The following GRM5 variants were observed in gnomAD, a reference collection of about 807,000 sequenced individuals.
GRM5 encodes metabotropic glutamate receptor 5.
Under a neutral mutation model 83.1 loss-of-function variants are expected in GRM5, and 19 were observed. The observed-to-expected ratio is 0.23, with a 90% confidence interval of 0.16 to 0.34. GRM5 has a LOEUF of 0.34. Among genes scored for constraint, GRM5 ranks in the 10% least tolerant of loss-of-function variants. The probability of loss-of-function intolerance (pLI) is 1.00; values close to 1 mark genes in which losing one functional copy is unlikely to be tolerated. For synonymous variants in GRM5, 675 were observed against 633.6 expected (o/e 1.07, Z -0.98); for missense variants, 1,160 against 1,588.3 (o/e 0.73, Z 4.58).
At chr11:88,520,740 C>G (rs1252011831) in intron 9 of GRM5, among the ~76,000 whole-genome samples, 2 of 152,038 alleles carry the variant, frequency 1.3e-5, no homozygotes, top group African/African-American at 2.4e-5. Flanking sequence ...AAAGGCAATC[C>G]TAACACAAGA....
At chr11:89,005,621 A>AT (rs1940502319) in intron 2 of GRM5, among the ~76,000 whole-genome samples, 1 of 152,156 alleles carries the variant, frequency 6.6e-6, no homozygotes, top group Non-Finnish European at 1.5e-5. Context: ...TAATATATCT[A>AT]TTTTTAGAGA....
At chr11:88,705,132 A>C (rs1314202986) in intron 3 of GRM5, among the ~76,000 whole-genome samples, 1 of 152,108 alleles carries the variant, frequency 6.6e-6, no homozygotes, top group Non-Finnish European at 1.5e-5. Flanking sequence ...ATCATAAAAG[A>C]AGCAGAATAT....
chr11:88,992,312 A>G (rs1041254771), intron 2 of GRM5, among the ~76,000 whole-genome samples: 5 of 151,974 alleles, frequency 3.3e-5, no homozygotes, highest in African/African-American at 9.7e-5. Flanking sequence ...GAAAACCACA[A>G]TGAGATACCA....
intron 9 of GRM5, among the ~76,000 whole-genome samples, chr11:88,521,261 C>CA (rs1157757094): frequency 1.3e-5 from 2 of 151,976 alleles, no homozygotes; most frequent in African/African-American, 4.8e-5. Context: ...ACTAAAAATA[C>CA]AAAAAATTAG....
intron 3 of GRM5, among the ~76,000 whole-genome samples, chr11:88,798,068 T>C (rs1014319291): frequency 1.3e-5 from 2 of 152,294 alleles, no homozygotes; most frequent in African/African-American, 4.8e-5. Flanking sequence ...GTCTGCTCTT[T>C]CTCCTTTCTC....
intron 3 of GRM5, among the ~76,000 whole-genome samples, chr11:88,714,164 A>G (rs1052735677): frequency 6.6e-6 from 1 of 152,050 alleles, no homozygotes; most frequent in African/African-American, 2.4e-5. Context: ...GGCATAGAGA[A>G]TAACTTTTGG....
intron 3 of GRM5, among the ~76,000 whole-genome samples, chr11:88,799,873 A>T (rs1038185251): frequency 6.6e-6 from 1 of 152,156 alleles, no homozygotes; most frequent in Non-Finnish European, 1.5e-5. Flanking sequence ...AGTAAAGCAC[A>T]TATCAATAAT....
Position 89,034,435 on chromosome 11 carries a change from T to C in GRM5, c.661+12777A>G, listed in dbSNP as rs553965958. ...CATATTCTATTCATCTCTTGCCATA[T>C]AGATAACTTTGTGAGTTTCTGCTTA... On this transcript the variant is annotated intron_variant, in intron 2 of 9. Coordinates refer to ENST00000305447, the MANE Select transcript of GRM5 (RefSeq NM_001143831.3). 1.8e-4 allele frequency among the ~76,000 whole-genome samples: 27 copies of C among 152,056 alleles called. No homozygotes were observed. The South Asian group carries it at 4.6e-3, about 26-fold the overall frequency.
chr11:89,047,708 C>T lies in GRM5; in HGVS notation c.165G>A (p.Arg55=), dbSNP rs2135151557. ...ACTGTTCACGGACCGCCCCACACTT[C>T]CTCTCATGAACTTTGTCCACAGTAG... The part of the protein sequence containing the change: ...HQPTVDKVHE[R]KCGAVREQYG... The change falls in exon 2 of 10, where the codon AGG becomes AGA. Residue 55 remains arginine, a synonymous_variant. Transcript: ENST00000305447. This position sits in a 1 kb window ranked among gnomAD's most constrained non-coding sequence, Gnocchi z 5.1. 6.2e-7 allele frequency: 1 copy of T among 1,614,138 alleles called. No homozygotes were observed. The highest frequency in any genetic ancestry group is 8.5e-7 in the Non-Finnish European group (1 of 1,180,012).
rs181449508 is a variant in GRM5 at position 88,774,244 on chromosome 11, C to G, written c.911+75662G>C. ...GAATGGGAGTTCACACATGATTTGG[C>G]TCTCTGTTTGTCTTCATGGTGTAGG... On this transcript the variant is annotated intron_variant, in intron 3 of 9. Coordinates refer to ENST00000305447, the MANE Select transcript of GRM5 (RefSeq NM_001143831.3). Among the ~76,000 whole-genome samples the G allele has an allele frequency of 2.9e-3, 404 of 139,904 alleles. 2 individuals are homozygous for G. The highest frequency in any genetic ancestry group is 2.2e-3 in the Non-Finnish European group (149 of 67,186). The allele number at this position is 139,904 out of a possible 152,430, so 91.8% of individuals were successfully genotyped here.
intron 3 of GRM5, among the ~76,000 whole-genome samples, chr11:88,696,127 AG>A (rs1343393194): frequency 6.6e-6 from 1 of 152,120 alleles, no homozygotes; most frequent in Non-Finnish European, 1.5e-5. Flanking sequence ...GGAGGCCAGA[AG>A]GGGGATGGAG....
At chr11:88,523,494 A>G (rs925792977) in intron 9 of GRM5, among the ~76,000 whole-genome samples, 1 of 152,162 alleles carries the variant, frequency 6.6e-6, no homozygotes, top group Admixed American at 6.5e-5. Flanking sequence ...AGGAGCCCCA[A>G]TAGCATTCTG....
intron 3 of GRM5, among the ~76,000 whole-genome samples, chr11:88,836,443 G>A (rs1944096543): frequency 1.3e-5 from 2 of 152,172 alleles, no homozygotes; most frequent in Non-Finnish European, 2.9e-5. Flanking sequence ...AAATCTGTGT[G>A]TGTGTGTATA....
At chr11:88,830,997 C>A (rs564750457) in intron 3 of GRM5, among the ~76,000 whole-genome samples, 3 of 151,802 alleles carry the variant, frequency 2.0e-5, no homozygotes, top group African/African-American at 4.8e-5. Context: ...AGACCTGACC[C>A]CCATGATTCA....
chr11:88,687,326 A>C (rs1270844243), intron 3 of GRM5, among the ~76,000 whole-genome samples: 3 of 148,818 alleles, frequency 2.0e-5, no homozygotes, highest in Non-Finnish European at 3.0e-5. Context: ...AAATACAAAA[A>C]ATTAGCCGGG....
At chr11:88,617,067 C>T (rs1938504546) in intron 4 of GRM5, among the ~76,000 whole-genome samples, 2 of 152,188 alleles carry the variant, frequency 1.3e-5, no homozygotes, top group African/African-American at 4.8e-5. Flanking sequence ...CTCAGATTGT[C>T]AAGTCAGTTT....
intron 4 of GRM5, among the ~76,000 whole-genome samples, chr11:88,649,056 A>AAT (rs1292883249): frequency 6.9e-6 from 1 of 145,456 alleles, no homozygotes; most frequent in African/African-American, 2.5e-5. Flanking sequence ...CATAATATAT[A>AAT]ATATATATAT....
At chr11:88,600,653 T>A (rs1937959566) in intron 5 of GRM5, among the ~76,000 whole-genome samples, 1 of 152,142 alleles carries the variant, frequency 6.6e-6, no homozygotes, top group Non-Finnish European at 1.5e-5. Context: ...TGTACAGAAA[T>A]AAGGAACTTT....
intron 4 of GRM5, among the ~76,000 whole-genome samples, chr11:88,639,236 T>C (rs1424121932): frequency 1.3e-5 from 2 of 152,206 alleles, no homozygotes; most frequent in Non-Finnish European, 2.9e-5. Context: ...TGATGAATAC[T>C]CCGCTGAATG....
Sources: gnomAD v4.1 joint callset for allele counts (sites outside exome capture counted in the v4.1 genomes callset) on GRCh38, gnomAD v4.1.1 for gene constraint, Gnocchi (gnomAD v3.1) non-coding constraint, MANE v1.5 for transcripts, NCBI Gene and HGNC (gene_info 2026-07-23, HGNC 2026-07-21) for gene names.